Variants in AGBL1 observed in about 807,000 individuals in gnomAD.
AGBL1 encodes AGBL carboxypeptidase 1, also known as cytosolic carboxypeptidase 4.
AGBL1 carries 130 observed loss-of-function variants against 118.9 expected under a neutral mutation model. That is an observed-to-expected ratio of 1.09 (90% CI 0.95 to 1.26). AGBL1 has a LOEUF of 1.26. Among genes scored for constraint, AGBL1 ranks in the 50% most tolerant of loss-of-function variants. AGBL1 has a pLI of 0.00. For missense variants in AGBL1, 1,584 were observed against 1,298.1 expected (o/e 1.22, Z -3.38); for synonymous variants, 555 against 478.9 (o/e 1.16, Z -2.08).
intron 22 of AGBL1, among the ~76,000 whole-genome samples, chr15:86,781,776 G>A (rs1371878429): frequency 6.6e-6 from 1 of 152,060 alleles, no homozygotes; most frequent in Non-Finnish European, 1.5e-5. Flanking sequence ...TTATGAGACT[G>A]GAAGCTGAAA....
At chr15:86,569,818 G>A (rs1322669904) in intron 21 of AGBL1, among the ~76,000 whole-genome samples, 3 of 152,184 alleles carry the variant, frequency 2.0e-5, no homozygotes, top group Non-Finnish European at 1.5e-5. Context: ...GTAGAAAATT[G>A]TTCCTTCTAT....
chr15:86,539,984 TTGTCTC>T (rs2142238777), intron 19 of AGBL1, among the ~76,000 whole-genome samples: 1 of 152,300 alleles, frequency 6.6e-6, no homozygotes, highest in African/African-American at 2.4e-5. Context: ...TTTTAAAACA[TTGTCTC>T]TGGGTTAGGG....
At position 86,610,375 on chromosome 15, in the gene AGBL1, C is replaced by T. The variant is rs537437910; in HGVS notation, c.2994+55838C>T. Among the ~76,000 whole-genome samples, 245 of 152,152 alleles carry T rather than the reference C, an allele frequency of 1.6e-3. 1 individual carries two copies. Among genetic ancestry groups the T allele is most frequent in the Non-Finnish European group, 3.0e-3 (202 of 68,032 alleles). On this transcript the variant is annotated intron_variant, in intron 21 of 22. Transcript: ENST00000614907. ...GTTTAAGATTAAGCAACATCAAATA[C>T]TTCAAGAAAAATTAAAATTTTTAGC...
intron 23 of AGBL1, among the ~76,000 whole-genome samples, chr15:86,973,135 A>T (rs12907092): frequency 6.6e-6 from 1 of 151,908 alleles, no homozygotes; most frequent in Non-Finnish European, 1.5e-5. Flanking sequence ...TGTTGTGAAG[A>T]TGGTATGAAA....
At chr15:86,670,584 A>G (rs2085724781) in intron 21 of AGBL1, among the ~76,000 whole-genome samples, 1 of 132,306 alleles carries the variant, frequency 7.6e-6, no homozygotes, top group Non-Finnish European at 1.6e-5. Flanking sequence ...AGCCTGGGTG[A>G]CAAGAGTGAA....
intron 24 of AGBL1, among the ~76,000 whole-genome samples, chr15:87,004,002 T>C (rs1051313605): frequency 6.6e-6 from 1 of 152,222 alleles, no homozygotes; most frequent in South Asian, 2.1e-4. Flanking sequence ...TCTTGCCTTC[T>C]GCTAGCTTTT....
intron 17 of AGBL1, among the ~76,000 whole-genome samples, chr15:86,298,248 TATATA>T (rs375828044): frequency 0.071 from 3,305 of 46,718 alleles, 294 homozygotes; most frequent in Middle Eastern, 0.16. Context: ...CTGTGTATAA[TATATA>T]TATATATATA....
At chr15:86,879,818 C>T (rs2079865810) in intron 22 of AGBL1, among the ~76,000 whole-genome samples, 1 of 152,098 alleles carries the variant, frequency 6.6e-6, no homozygotes, top group Non-Finnish European at 1.5e-5. Context: ...CGTGCCAGGG[C>T]TCTGGGCAGC....
At chr15:86,860,724 G>C (rs899883554) in intron 22 of AGBL1, among the ~76,000 whole-genome samples, 2 of 152,022 alleles carry the variant, frequency 1.3e-5, no homozygotes, top group Non-Finnish European at 2.9e-5. Context: ...GTGTGTGTGT[G>C]TGTGTGTGTG....
exon 25 of AGBL1, chr15:87,029,008 A>C: frequency 1.6e-6 from 1 of 637,040 alleles, no homozygotes; most frequent in East Asian, 2.9e-5. Context: ...CTCCATAAGA[A>C]AACATAAGGA....
intron 23 of AGBL1, among the ~76,000 whole-genome samples, chr15:86,941,322 A>G (rs1266407772): frequency 1.3e-5 from 2 of 152,250 alleles, no homozygotes; most frequent in Non-Finnish European, 2.9e-5. Context: ...TGGGTCAGTC[A>G]GGAGAAAAAC....
At chr15:86,686,323 C>T (rs1328380738) in intron 22 of AGBL1, among the ~76,000 whole-genome samples, 2 of 151,800 alleles carry the variant, frequency 1.3e-5, no homozygotes, top group African/African-American at 2.4e-5. Context: ...TAACCTCTCA[C>T]ATGTTAGTGT....
At chr15:86,211,909 C>T (rs750343038) in intron 5 of AGBL1, among the ~76,000 whole-genome samples, 38 of 152,296 alleles carry the variant, frequency 2.5e-4, no homozygotes, top group Admixed American at 9.2e-4. Context: ...CAGAAATCAC[C>T]GTCTTCTGTG....
chr15:86,546,236 T>TTC, intron 20 of AGBL1, 103 bp downstream of exon 20: 1 of 1,237,082 alleles, frequency 8.1e-7, no homozygotes, highest in Non-Finnish European at 1.1e-6. Context: ...TTTTTTTTTT[T>TTC]GTAAATAAGC....
At chr15:86,479,733 G>A (rs568548550) in intron 18 of AGBL1, among the ~76,000 whole-genome samples, 1 of 152,142 alleles carries the variant, frequency 6.6e-6, no homozygotes, top group Non-Finnish European at 1.5e-5. Flanking sequence ...TCCCATTACT[G>A]GGTATATACC....
At chr15:86,440,905 T>G (rs528091750) in intron 18 of AGBL1, among the ~76,000 whole-genome samples, 29 of 152,130 alleles carry the variant, frequency 1.9e-4, no homozygotes, top group Non-Finnish European at 4.3e-4. Flanking sequence ...AGAATCAGAA[T>G]CAGGCATAGG....
chr15:86,929,659 T>C (rs575343769), intron 23 of AGBL1, among the ~76,000 whole-genome samples: 1 of 152,332 alleles, frequency 6.6e-6, no homozygotes, highest in African/African-American at 2.4e-5. Flanking sequence ...GTTCTCAAAA[T>C]ATTAGGACTG....
chr15:86,880,835 C>A (rs1277723690), intron 22 of AGBL1, among the ~76,000 whole-genome samples: 1 of 152,032 alleles, frequency 6.6e-6, no homozygotes, highest in Non-Finnish European at 1.5e-5. Context: ...AAGATAAGAA[C>A]CCTTTACTCT....
intron 5 of AGBL1, among the ~76,000 whole-genome samples, chr15:86,192,929 A>G (rs1456548062): frequency 1.3e-5 from 2 of 152,176 alleles, no homozygotes; most frequent in African/African-American, 4.8e-5. Context: ...CATCCATTCC[A>G]TTTATTTCTA....
Sources: gnomAD v4.1 joint callset for allele counts (sites outside exome capture counted in the v4.1 genomes callset) on GRCh38, gnomAD v4.1.1 for gene constraint, MANE v1.5 for transcripts, NCBI Gene and HGNC (gene_info 2026-07-23, HGNC 2026-07-21) for gene names.